RYR3: variants seen among roughly 807,000 people sequenced by gnomAD.
RYR3 encodes the protein ryanodine receptor 3.
In RYR3, 207 loss-of-function variants were observed where a neutral mutation model predicts 584.3. The ratio of observed to expected loss-of-function variants is 0.35; its 90% CI spans 0.32 to 0.40. The LOEUF is 0.40. Ranked by LOEUF, RYR3 falls within the 10% of genes least tolerant of loss-of-function variation. The probability of loss-of-function intolerance (pLI) is 1.00; values close to 1 mark genes in which losing one functional copy is unlikely to be tolerated. For synonymous variants in RYR3, 2,416 were observed against 2,248.5 expected, an observed-to-expected ratio of 1.07 and a Z score of -2.11; for missense variants, 5,616 against 6,089.2, an observed-to-expected ratio of 0.92 and a Z score of 2.59.
chr15:33,780,357 C>T lies in RYR3; in HGVS notation c.9268+16C>T. Reference sequence around the variant, plus strand: ...GAGAGGTCTAGTAAGTATCTCCCCTCAAAGGTCATCAACCCATTTCATGTG... The same window carrying T: ...GAGAGGTCTAGTAAGTATCTCCCCTTAAAGGTCATCAACCCATTTCATGTG... On this transcript the variant is annotated intron_variant, in intron 65 of 103. Coordinates refer to ENST00000634891, the MANE Select transcript of RYR3 (RefSeq NM_001036.6). 2 of 1,612,522 alleles carry T rather than the reference C, an allele frequency of 1.2e-6. No individual in the cohort carries two copies. Among genetic ancestry groups the T allele is most frequent in the South Asian group, 2.2e-5 (2 of 90,740 alleles).
chr15:33,817,987 G>A (rs192453200), intron 75 of RYR3, among the ~76,000 whole-genome samples: 6 of 152,350 alleles, frequency 3.9e-5, no homozygotes, highest in Admixed American at 2.0e-4. Flanking sequence ...GATAAAAGGA[G>A]AAGGGCAAGG....
At position 33,613,302 on chromosome 15, in the gene RYR3, G is replaced by A. The variant is rs758721724; in HGVS notation, c.2284G>A (p.Val762Met). 7 of 1,613,830 alleles carry A rather than the reference G, an allele frequency of 4.3e-6. No homozygotes were observed. Among genetic ancestry groups the A allele is most frequent in the Non-Finnish European group, 5.9e-6 (7 of 1,179,876 alleles). Residue 762 changes from valine (V) to methionine (M), a missense_variant, in exon 19 of 104, where the codon GTG (valine) becomes ATG (methionine). By Grantham distance (21) the Val-to-Met change is conservative (BLOSUM62 1). Transcript: ENST00000634891. ...SISFRINGQP[V>M]QGMFENFNTD... is the part of the protein sequence containing the mutation. ...CTCATTCCGCATCAATGGGCAGCCC[G>A]TGCAGGGGATGTTTGAGAACTTCAA...
chr15:33,333,865 A>G (rs563112828), intron 1 of RYR3, among the ~76,000 whole-genome samples: 1 of 152,368 alleles, frequency 6.6e-6, no homozygotes, highest in Non-Finnish European at 1.5e-5. Flanking sequence ...ACAAAAATCA[A>G]TGTGCAAAAA....
At chr15:33,447,514 C>T (rs1300465207) in intron 1 of RYR3, among the ~76,000 whole-genome samples, 1 of 152,134 alleles carries the variant, frequency 6.6e-6, no homozygotes, top group African/African-American at 2.4e-5. Context: ...TTGTATTTTG[C>T]AGTACTCCAG....
chr15:33,610,545 C>G (rs911400563), intron 18 of RYR3, among the ~76,000 whole-genome samples: 1 of 152,144 alleles, frequency 6.6e-6, no homozygotes, highest in Non-Finnish European at 1.5e-5. Flanking sequence ...ATGGCTTTGT[C>G]AATTACCCAA....
chr15:33,419,180 G>C (rs1269223671), intron 1 of RYR3, among the ~76,000 whole-genome samples: 1 of 152,214 alleles, frequency 6.6e-6, no homozygotes, highest in East Asian at 1.9e-4. Context: ...GGCAGGGACT[G>C]AGAAGCAAGA....
chr15:33,599,983 G>A (rs1263933251), intron 16 of RYR3, among the ~76,000 whole-genome samples: 1 of 152,122 alleles, frequency 6.6e-6, no homozygotes, highest in Non-Finnish European at 1.5e-5. Flanking sequence ...ATCACTCCAA[G>A]GCAAAACAGA....
intron 42 of RYR3, 105 bp from the exon 43 acceptor site, chr15:33,706,814 C>G: frequency 8.8e-7 from 1 of 1,131,694 alleles, no homozygotes; most frequent in Non-Finnish European, 1.3e-6. Context: ...CACAAGAGTT[C>G]CAACTTCTCT....
intron 23 of RYR3, 68 bp from the exon 24 acceptor site, chr15:33,632,881 G>T (rs775087711): frequency 1.4e-6 from 2 of 1,411,008 alleles, no homozygotes; most frequent in Non-Finnish European, 2.0e-6. Context: ...TGTGCTCTTG[G>T]TCTAAAATCC....
chr15:33,710,832 G>C (rs1353293338), intron 43 of RYR3, among the ~76,000 whole-genome samples: 1 of 152,218 alleles, frequency 6.6e-6, no homozygotes, highest in Non-Finnish European at 1.5e-5. Flanking sequence ...TTGAGCCACA[G>C]CTAGAGTTGG....
In RYR3 at chr15:33,348,136, T is replaced by C. The variant is rs145290740; in HGVS notation, c.51+37040T>C. On this transcript the variant is annotated intron_variant, in intron 1 of 103. Coordinates refer to ENST00000634891, the MANE Select transcript of RYR3 (RefSeq NM_001036.6). ...ACATGGATTATTCTGGCCTTCTCCC[T>C]TTGCTTATCTATAAATTCTACTCCC... 6.0e-3 allele frequency among the ~76,000 whole-genome samples: 919 copies of C among 152,302 alleles called. 9 individuals are homozygous for C. Among genetic ancestry groups the C allele is most frequent in the African/African-American group, 0.021 (878 of 41,546 alleles).
chr15:33,499,644 A>T (rs1204149487), intron 2 of RYR3, among the ~76,000 whole-genome samples: 3 of 152,216 alleles, frequency 2.0e-5, no homozygotes, highest in Non-Finnish European at 4.4e-5. Flanking sequence ...TAAGCTGTTT[A>T]AGTAAAAAAC....
intron 84 of RYR3, among the ~76,000 whole-genome samples, 184 bp from the exon 85 acceptor site, chr15:33,827,015 G>A (rs1314398452): frequency 6.6e-6 from 1 of 152,176 alleles, no homozygotes; most frequent in Non-Finnish European, 1.5e-5. Flanking sequence ...TCCAGTTTCT[G>A]GTGTCCGCAG....
At chr15:33,313,457 T>C (rs1379760366) in intron 1 of RYR3, among the ~76,000 whole-genome samples, 2 of 152,162 alleles carry the variant, frequency 1.3e-5, no homozygotes, top group Non-Finnish European at 2.9e-5. Flanking sequence ...ACAAAATGAT[T>C]TTTTGGAATC....
intron 70 of RYR3, among the ~76,000 whole-genome samples, chr15:33,809,925 G>GT (rs2152943246): frequency 6.6e-6 from 1 of 152,276 alleles, no homozygotes; most frequent in Admixed American, 6.5e-5. Context: ...CATGTCTTCA[G>GT]TTTTTCTCCT....
At chr15:33,425,144 G>A (rs1039914565) in intron 1 of RYR3, among the ~76,000 whole-genome samples, 3 of 152,056 alleles carry the variant, frequency 2.0e-5, no homozygotes, top group Non-Finnish European at 2.9e-5. Context: ...GATCTCCACC[G>A]CGTTTTACTT....
At chr15:33,711,459 G>T (rs567238880) in intron 43 of RYR3, among the ~76,000 whole-genome samples, 3 of 151,934 alleles carry the variant, frequency 2.0e-5, no homozygotes. Context: ...TAGCCAGGAT[G>T]GTCTCAATCT....
intron 36 of RYR3, among the ~76,000 whole-genome samples, chr15:33,668,200 C>T (rs1450919816): frequency 6.6e-6 from 1 of 151,214 alleles, no homozygotes; most frequent in Admixed American, 6.6e-5. Flanking sequence ...GCCTGTGGTC[C>T]CAGCTACTCG....
At chr15:33,517,787 C>A (rs1480600229) in intron 3 of RYR3, among the ~76,000 whole-genome samples, 1 of 152,094 alleles carries the variant, frequency 6.6e-6, no homozygotes, top group African/African-American at 2.4e-5. Flanking sequence ...ATATTTATTA[C>A]CCCCACTATG....
Sources: allele counts gnomAD v4.1 joint callset (sites outside exome capture counted in the v4.1 genomes callset), GRCh38; gene constraint gnomAD v4.1.1; transcripts MANE v1.5; gene names NCBI Gene and HGNC (gene_info 2026-07-23, HGNC 2026-07-21).